The following HERC2 variants were observed in gnomAD, a reference collection of about 807,000 sequenced individuals.
HERC2 encodes the protein HECT and RLD domain containing E3 ubiquitin protein ligase 2, also known as E3 ubiquitin-protein ligase HERC2.
HERC2 carries 102 observed loss-of-function variants against 537.7 expected under a neutral mutation model. That is an observed-to-expected ratio of 0.19 (90% confidence interval 0.16 to 0.22). The LOEUF is 0.22. Among genes scored for constraint, HERC2 ranks in the 10% least tolerant of loss-of-function variants. The pLI, the probability that HERC2 is intolerant of heterozygous loss-of-function variation, is 1.00. For missense variants in HERC2, 4,236 were observed against 6,198.2 expected (o/e 0.68, Z 10.63); for synonymous variants, 2,224 against 2,466.2 (o/e 0.90, Z 2.91).
intron 2 of HERC2, among the ~76,000 whole-genome samples, chr15:28,313,394 T>C (rs950713485): frequency 5.3e-5 from 8 of 152,162 alleles, no homozygotes; most frequent in Non-Finnish European, 7.3e-5. Context: ...TTAGCCTGGA[T>C]GGTCTCGACC....
chr15:28,190,011 CT>C lies in HERC2; in HGVS notation c.8649+953del, dbSNP rs72036273. On this transcript the variant is annotated intron_variant, in intron 55 of 92. Coordinates refer to ENST00000261609, the MANE Select transcript of HERC2 (RefSeq NM_004667.6). ...AAAATATCTTTTTTTTTCTTTCTTT[CT>C]TTTTTTTTTTTTTGAGACAAGAGTC... Among the ~76,000 whole-genome samples, 688 of 137,698 alleles carry C rather than the reference CT, an allele frequency of 5.0e-3. 2 individuals carry two copies. The highest frequency in any genetic ancestry group is 7.2e-3 in the Non-Finnish European group (460 of 63,676). The allele number at this position is 137,698 out of a possible 152,430, so 90.3% of individuals were successfully genotyped here.
chr15:28,210,415 C>T (rs1230773760), intron 44 of HERC2, among the ~76,000 whole-genome samples: 1 of 152,220 alleles, frequency 6.6e-6, no homozygotes, highest in Non-Finnish European at 1.5e-5. Context: ...GGATTACAGG[C>T]ATGAGCCATT....
At chr15:28,316,471 C>A (rs1483668960) in intron 2 of HERC2, among the ~76,000 whole-genome samples, 3 of 151,910 alleles carry the variant, frequency 2.0e-5, no homozygotes, top group Non-Finnish European at 4.4e-5. Context: ...AAGACCCTGC[C>A]TCTACAAAAA....
At chr15:28,283,951 T>C (rs1361824222) in intron 4 of HERC2, among the ~76,000 whole-genome samples, 2 of 152,214 alleles carry the variant, frequency 1.3e-5, no homozygotes, top group African/African-American at 2.4e-5. Context: ...TATCTGCATA[T>C]AAATAATGAG....
At chr15:28,246,212 A>C (rs962617750) in intron 22 of HERC2, 146 bp from the exon 23 acceptor site, 2 of 604,478 alleles carry the variant, frequency 3.3e-6, no homozygotes, top group Admixed American at 3.3e-5. Context: ...CTTATATTTT[A>C]TATTGAGACA....
At chr15:28,178,192 A>T (rs1895477839) in intron 59 of HERC2, among the ~76,000 whole-genome samples, 1 of 152,112 alleles carries the variant, frequency 6.6e-6, no homozygotes, top group Admixed American at 6.5e-5. Flanking sequence ...ATGGTGACTG[A>T]AATGAGTGGG....
At chr15:28,112,108 C>G (rs1186337487) in intron 92 of HERC2, 73 bp from the exon 93 acceptor site, 3 of 1,430,062 alleles carry the variant, frequency 2.1e-6, no homozygotes, top group African/African-American at 2.8e-5. Context: ...TCATTAGACT[C>G]TTCGTGCTCA....
At chr15:28,286,881 C>A (rs1214462351) in intron 4 of HERC2, among the ~76,000 whole-genome samples, 1 of 152,076 alleles carries the variant, frequency 6.6e-6, no homozygotes, top group Non-Finnish European at 1.5e-5. Context: ...AGGGCCTACA[C>A]GCTGCAATGT....
At chr15:28,222,433 G>T (rs1044360585) in intron 35 of HERC2, among the ~76,000 whole-genome samples, 3 of 151,958 alleles carry the variant, frequency 2.0e-5, no homozygotes, top group Non-Finnish European at 4.4e-5. Flanking sequence ...AGATATAAAA[G>T]ATATTAAAAT....
At chr15:28,137,236 C>A (rs375066309) in intron 78 of HERC2, among the ~76,000 whole-genome samples, 1 of 152,108 alleles carries the variant, frequency 6.6e-6, no homozygotes, top group East Asian at 1.9e-4. Context: ...TATTTCAAAC[C>A]TTTTTATGAG....
chr15:28,318,139 G>A (rs932960007), intron 2 of HERC2, among the ~76,000 whole-genome samples: 3 of 152,206 alleles, frequency 2.0e-5, no homozygotes, highest in East Asian at 3.9e-4. Flanking sequence ...ATCATATATT[G>A]TTTTTTATAG....
intron 69 of HERC2, among the ~76,000 whole-genome samples, chr15:28,154,735 G>A (rs1892807434): frequency 6.6e-6 from 1 of 152,226 alleles, no homozygotes; most frequent in African/African-American, 2.4e-5. Flanking sequence ...ATGTGGGGAT[G>A]TGCATGGCAA....
chr15:28,144,529 A>G, intron 72 of HERC2, 144 bp downstream of exon 72: 1 of 1,135,606 alleles, frequency 8.8e-7, no homozygotes, highest in Non-Finnish European at 1.3e-6. Flanking sequence ...TCCACGCCTC[A>G]GCAGGGCCTG....
intron 2 of HERC2, among the ~76,000 whole-genome samples, chr15:28,320,719 G>C (rs7167075): frequency 0.01 from 1,555 of 151,444 alleles, 62 homozygotes; most frequent in African/African-American, 0.032. Flanking sequence ...AGTAGATTGG[G>C]TGTAAATAAT....
At chr15:28,194,655 G>T (rs1897183871) in intron 52 of HERC2, among the ~76,000 whole-genome samples, 2 of 152,112 alleles carry the variant, frequency 1.3e-5, no homozygotes, top group Non-Finnish European at 2.9e-5. Flanking sequence ...TGGAACTTTT[G>T]TTTGAGCATA....
At chr15:28,126,150 T>C (rs1028389947) in intron 83 of HERC2, among the ~76,000 whole-genome samples, 6 of 152,122 alleles carry the variant, frequency 3.9e-5, no homozygotes, top group Admixed American at 3.3e-4. Context: ...AAAAAATAGA[T>C]GTTGGTATGG....
At position 28,144,121 on chromosome 15, in the gene HERC2, C is replaced by T. The variant is rs1891496988; in HGVS notation, c.11255G>A (p.Arg3752His). ...NLASNRSIVP[R>H]LAASLAACAQ... ...ACAAGCTGCCAGCGAGGCCGCAAGG[C>T]GAGGGACGATGCTTCTGTTAGAGGC... is the stretch of plus-strand genomic sequence containing the variant. Residue 3752 changes from arginine to histidine, a missense_variant, in exon 73 of 93, where the codon CGC becomes CAC. This residue lies in a region of HERC2 where 109 missense variants were observed against 133.5 expected (regional missense o/e 0.82). Transcript: ENST00000261609. The T allele has an allele frequency of 3.7e-6, 6 of 1,614,182 alleles. No homozygotes were observed. The highest frequency in any genetic ancestry group is 5.1e-6 in the Non-Finnish European group (6 of 1,180,050).
rs1450428691 is a variant in HERC2 at position 28,230,341 on chromosome 15, C to T, written c.4809+26G>A. On this transcript the variant is annotated intron_variant, in intron 31 of 92. Transcript: ENST00000261609. ...ACATGCTATGATTCTATTCAGCCAA[C>T]CTCAGAATCACAGAAAATACTGCAC... The T allele has an allele frequency of 5.7e-6, 9 of 1,581,674 alleles. No individual in the cohort carries two copies. The African/African-American group carries it at 8.2e-5, about 14-fold the overall frequency.
At position 28,215,750 on chromosome 15, in the gene HERC2, C is replaced by T; in HGVS notation, c.6081G>A (p.Leu2027=). 6.2e-7 allele frequency: 1 copy of T among 1,612,012 alleles called. No homozygotes were observed. Among genetic ancestry groups the T allele is most frequent in the Non-Finnish European group, 8.5e-7 (1 of 1,179,850 alleles). ...YREQHRSWCT[L]GFVRSIALTP... is the part of the protein sequence containing the mutation. ...TGAGAGCGATGCTCCGCACAAACCC[C>T]AGCGTGCACCAGCTCCGGTGTTGCT... The change falls in exon 39 of 93, where the codon CTG becomes CTA. Residue 2027 remains leucine (L), a synonymous_variant. Transcript: ENST00000261609.
Sources: gnomAD v4.1 joint callset for allele counts (sites outside exome capture counted in the v4.1 genomes callset) on GRCh38, gnomAD v4.1.1 for gene constraint, gnomAD v4.1.1 regional missense constraint, MANE v1.5 for transcripts, NCBI Gene and HGNC (gene_info 2026-07-23, HGNC 2026-07-21) for gene names.